Variants in TMEM260 observed in about 807,000 individuals in gnomAD.
TMEM260 encodes the protein protein O-mannosyl-transferase TMEM260.
Under a neutral mutation model 88.9 loss-of-function variants are expected in TMEM260, and 82 were observed. The ratio of observed to expected loss-of-function variants is 0.92; its 90% CI spans 0.77 to 1.11. The LOEUF (loss-of-function observed/expected upper bound fraction) is 1.11. TMEM260 is among the 50% of genes least tolerant of loss of function. The pLI, the probability that TMEM260 is intolerant of heterozygous loss-of-function variation, is 0.00. For synonymous variants in TMEM260, 314 were observed against 309.3 expected (o/e 1.02, Z -0.16); for missense variants, 902 against 853.4 (o/e 1.06, Z -0.71).
chr14:56,652,206 GA>G (rs1179708049), downstream of TMEM260, among the ~76,000 whole-genome samples: 2 of 152,138 alleles, frequency 1.3e-5, no homozygotes, highest in Non-Finnish European at 2.9e-5. Flanking sequence ...TAAGACACAG[GA>G]ATTCAGGGCC....
chr14:56,633,218 G>C, intron 13 of TMEM260, 47 bp downstream of exon 13: 3 of 1,468,940 alleles, frequency 2.0e-6, no homozygotes, highest in Non-Finnish European at 1.8e-6. Context: ...TAGCAGTTTT[G>C]AATACCCAAA....
rs780694335 is a variant in TMEM260 at position 56,648,682 on chromosome 14, G to A, written c.*1185G>A. 1 of 152,656 alleles carries A rather than the reference G, an allele frequency of 6.6e-6. No individual in the cohort carries two copies. The highest frequency in any genetic ancestry group is 1.5e-5 in the Non-Finnish European group (1 of 68,050). 9.5% of individuals were successfully genotyped at this position (152,656 alleles called of 1,614,324 possible). On this transcript the variant is annotated 3_prime_UTR_variant, in exon 16 of 16. Coordinates refer to ENST00000261556, the MANE Select transcript of TMEM260 (RefSeq NM_017799.4). The stretch of plus-strand genomic sequence containing the variant: ...AGGGTCTGATCAAAGGTCTCCTGTG[G>A]AGCTTGCATGGTTCCCTTTCATACT...
Position 56,647,488 on chromosome 14 carries a change from A to G in TMEM260, c.2115A>G (p.Lys705=). ...AACTGCAAAGTCTGAGAAATAGGAA[A>G]AATGTCTGAGACAGCAAAATATGAA... ...RKELQSLRNR[K]NV Residue 705 remains lysine, a synonymous_variant, in exon 16 of 16, where the codon AAA becomes AAG. Coordinates refer to ENST00000261556, the MANE Select transcript of TMEM260 (RefSeq NM_017799.4). 2 of 1,597,430 alleles carry G rather than the reference A, an allele frequency of 1.3e-6. No homozygotes were observed. Among genetic ancestry groups the G allele is most frequent in the Non-Finnish European group, 1.7e-6 (2 of 1,175,142 alleles).
intron 1 of TMEM260, among the ~76,000 whole-genome samples, 194 bp downstream of exon 1, chr14:56,580,268 G>C (rs530081371): frequency 1.2e-4 from 19 of 152,206 alleles, no homozygotes; most frequent in Non-Finnish European, 2.1e-4. Context: ...GGTTTCTTTA[G>C]TTCTCAGGTT....
chr14:56,615,763 G>C, intron 7 of TMEM260, 181 bp from the exon 8 acceptor site: 1 of 541,146 alleles, frequency 1.8e-6, no homozygotes, highest in South Asian at 2.8e-5. Flanking sequence ...AAAACGTCTT[G>C]GAACTATTTA....
chr14:56,656,051 G>A, the TMEM260 span, among the ~76,000 whole-genome samples: 1 of 152,154 alleles, frequency 6.6e-6, no homozygotes, highest in African/African-American at 2.4e-5. Flanking sequence ...TGCACCAGAA[G>A]CACTGTATAG....
intron 2 of TMEM260, 33 bp from the exon 3 acceptor site, chr14:56,585,727 GA>G: frequency 1.9e-6 from 3 of 1,599,976 alleles, no homozygotes; most frequent in Non-Finnish European, 2.6e-6. Context: ...TTTCCTAGAT[GA>G]AAACCTTCTA....
chr14:56,599,866 T>G (rs182904517), intron 3 of TMEM260, among the ~76,000 whole-genome samples: 11 of 152,332 alleles, frequency 7.2e-5, no homozygotes. Context: ...TTTTAGAGAA[T>G]GTTAGAATCT....
chr14:56,587,755 A>G (rs925081176), intron 3 of TMEM260, among the ~76,000 whole-genome samples: 6 of 152,074 alleles, frequency 3.9e-5, no homozygotes, highest in Non-Finnish European at 8.8e-5. Flanking sequence ...AATACAAATA[A>G]TTGACAAGGT....
At chr14:56,606,770 C>G (rs28510938) in intron 5 of TMEM260, among the ~76,000 whole-genome samples, 16,502 of 152,140 alleles carry the variant, frequency 0.11, 1,475 homozygotes, top group African/African-American at 0.24. Context: ...CAGTGTGCGC[C>G]TGTAGTCCCA....
Position 56,612,229 on chromosome 14 carries a change from T to A in TMEM260, c.817-16T>A. The A allele has an allele frequency of 6.2e-7, 1 of 1,609,752 alleles. No homozygotes were observed. The highest frequency in any genetic ancestry group is 1.1e-5 in the South Asian group (1 of 91,010). On this transcript the variant is annotated splice_polypyrimidine_tract_variant and intron_variant, in intron 6 of 15. Coordinates refer to ENST00000261556, the MANE Select transcript of TMEM260 (RefSeq NM_017799.4). Reference sequence around the variant, plus strand: ...TTTAATGCTTGTGCAGATAAACTTTTGTCTTTTGTGTTTAGGCCAAATCTG... The same window carrying A: ...TTTAATGCTTGTGCAGATAAACTTTAGTCTTTTGTGTTTAGGCCAAATCTG...
chr14:56,637,873 G>A (rs1889234491), intron 15 of TMEM260, among the ~76,000 whole-genome samples: 1 of 146,774 alleles, frequency 6.8e-6, no homozygotes, highest in Non-Finnish European at 1.5e-5. Flanking sequence ...CAAAAAGGTG[G>A]CAGGCTAGAG....
intron 3 of TMEM260, among the ~76,000 whole-genome samples, chr14:56,590,296 G>C (rs1170677094): frequency 6.6e-6 from 1 of 152,216 alleles, no homozygotes; most frequent in East Asian, 1.9e-4. Context: ...TAAGACTGTA[G>C]AGTCTTTTCT....
At chr14:56,635,593 T>TGTCA (rs1341806901) in intron 14 of TMEM260, among the ~76,000 whole-genome samples, 2 of 152,220 alleles carry the variant, frequency 1.3e-5, no homozygotes, top group Non-Finnish European at 2.9e-5. Context: ...TTTTGGTTCC[T>TGTCA]GTCATTGTTT....
At chr14:56,580,372 T>C (rs1885042916) in intron 1 of TMEM260, among the ~76,000 whole-genome samples, 1 of 152,260 alleles carries the variant, frequency 6.6e-6, no homozygotes, top group Non-Finnish European at 1.5e-5. Context: ...GTATTTACTT[T>C]CAGTCTTTTT....
chr14:56,602,395 A>C (rs1420717039), intron 3 of TMEM260, among the ~76,000 whole-genome samples: 1 of 152,128 alleles, frequency 6.6e-6, no homozygotes, highest in African/African-American at 2.4e-5. Flanking sequence ...AATGTTGATC[A>C]TTAGTGAATG....
chr14:56,632,562 CT>C (rs758598067), intron 12 of TMEM260, among the ~76,000 whole-genome samples: 42 of 137,766 alleles, frequency 3.0e-4, no homozygotes, highest in Admixed American at 4.8e-4. Context: ...AATGGGGGGA[CT>C]TTTCTTGGAG....
rs1292017915 is a variant in TMEM260 at position 56,617,332 on chromosome 14, A to C, written c.1056+35A>C. 3 of 1,398,232 alleles carry C rather than the reference A, an allele frequency of 2.1e-6. No homozygotes were observed. In the African/African-American group the frequency reaches 4.4e-5, roughly 20 times the overall value. 86.6% of individuals were successfully genotyped at this position (1,398,232 alleles called of 1,614,324 possible). ...ACTTAGATATATCCTTTGACCAGAA[A>C]GTTTGTGAAGAATGTGCAAATTTGC... On this transcript the variant is annotated intron_variant, in intron 9 of 15. Transcript: ENST00000261556.
chr14:56,648,523 C>G lies in TMEM260; in HGVS notation c.*1026C>G, dbSNP rs995329552. 13 of 152,676 alleles carry G rather than the reference C, an allele frequency of 8.5e-5. No individual in the cohort carries two copies. The highest frequency in any genetic ancestry group is 3.1e-4 in the African/African-American group (13 of 41,530). 9.5% of individuals were successfully genotyped at this position (152,676 alleles called of 1,614,324 possible). A position where few individuals can be genotyped will look rare whatever the true frequency, so the allele number is the denominator to read the frequency against. On this transcript the variant is annotated 3_prime_UTR_variant, in exon 16 of 16. Transcript: ENST00000261556. ...TAGACTCCAAGCACTATATAGGCCC[C>G]TGTATAGAAATGCTCACTAATGAAG...
Sources: allele counts gnomAD v4.1 joint callset (sites outside exome capture counted in the v4.1 genomes callset), GRCh38; gene constraint gnomAD v4.1.1; transcripts MANE v1.5; gene names NCBI Gene and HGNC (gene_info 2026-07-23, HGNC 2026-07-21).